Variants in MTA3 observed in about 807,000 individuals in gnomAD.
The protein encoded by MTA3 is metastasis-associated protein MTA3.
MTA3 carries 34 observed loss-of-function variants against 83.5 expected under a neutral mutation model. The ratio of observed to expected loss-of-function variants is 0.41; its 90% CI spans 0.31 to 0.54. The LOEUF (loss-of-function observed/expected upper bound fraction) is 0.54. Among genes scored for constraint, MTA3 ranks in the 20% least tolerant of loss-of-function variants. The pLI is 0.33. For missense variants in MTA3, 761 were observed against 726.4 expected, an observed-to-expected ratio of 1.05 and a Z score of -0.55; for synonymous variants, 303 against 252.7, an observed-to-expected ratio of 1.20 and a Z score of -1.89.
At chr2:42,503,771 A>G (rs1381756917) in intron 2 of MTA3, among the ~76,000 whole-genome samples, 2 of 152,102 alleles carry the variant, frequency 1.3e-5, no homozygotes, top group East Asian at 1.9e-4. Context: ...GCTGCTCAGG[A>G]GGCAGATGCA....
At chr2:42,553,301 G>A (rs1302749424) in intron 2 of MTA3, among the ~76,000 whole-genome samples, 2 of 151,848 alleles carry the variant, frequency 1.3e-5, no homozygotes, top group East Asian at 1.9e-4. Context: ...GCGGGTGCCT[G>A]TAGTCCCAGC....
intron 8 of MTA3, among the ~76,000 whole-genome samples, chr2:42,664,337 A>T (rs79526332): frequency 0.015 from 2,273 of 152,228 alleles, 56 homozygotes; most frequent in African/African-American, 0.051. Flanking sequence ...TCCCAAAAAG[A>T]ACATATGAAA....
chr2:42,577,747 G>A (rs1573032259), intron 2 of MTA3, among the ~76,000 whole-genome samples: 1 of 152,228 alleles, frequency 6.6e-6, no homozygotes, highest in Middle Eastern at 3.4e-3. Flanking sequence ...CCAAAGTGTT[G>A]GGATTACAGG....
chr2:42,506,627 A>T (rs932657000), intron 2 of MTA3, among the ~76,000 whole-genome samples: 1 of 6,348 alleles, frequency 1.6e-4, no homozygotes, highest in African/African-American at 5.3e-3. Context: ...TATTATTATT[A>T]TTTATTTATT....
chr2:42,524,842 A>AAG (rs1675609288), intron 2 of MTA3, among the ~76,000 whole-genome samples: 1 of 145,166 alleles, frequency 6.9e-6, no homozygotes, highest in Non-Finnish European at 1.5e-5. Flanking sequence ...AAAAAAAAAG[A>AAG]AAAAAAGAGA....
intron 4 of MTA3, among the ~76,000 whole-genome samples, chr2:42,614,648 ACTC>A (rs1331249314): frequency 6.6e-6 from 1 of 151,948 alleles, no homozygotes; most frequent in African/African-American, 2.4e-5. Flanking sequence ...CTTATATATA[ACTC>A]GTGTAATATA....
intron 2 of MTA3, among the ~76,000 whole-genome samples, chr2:42,502,817 G>A (rs1232447183): frequency 2.2e-4 from 12 of 54,752 alleles, no homozygotes; most frequent in African/African-American, 5.1e-4. Flanking sequence ...AAAAAAATTA[G>A]CCGGGCATGG....
chr2:42,596,711 T>G (rs1681827988), intron 3 of MTA3, among the ~76,000 whole-genome samples: 1 of 152,206 alleles, frequency 6.6e-6, no homozygotes, highest in South Asian at 2.1e-4. Context: ...TCTTAAGCTT[T>G]TTAGAAAGCC....
chr2:42,526,759 T>C (rs1186964197), intron 2 of MTA3, among the ~76,000 whole-genome samples: 2 of 151,902 alleles, frequency 1.3e-5, no homozygotes, highest in African/African-American at 2.4e-5. Flanking sequence ...ATGACATAAA[T>C]TTCAAATAGA....
chr2:42,692,476 G>A (rs1692989261), intron 9 of MTA3, among the ~76,000 whole-genome samples: 1 of 150,318 alleles, frequency 6.7e-6, no homozygotes, highest in Non-Finnish European at 1.5e-5. Flanking sequence ...CCAGGCTGGA[G>A]TGCAATGGCG....
At position 42,654,095 on chromosome 2, in the gene MTA3, C is replaced by G. The variant is rs573901947; in HGVS notation, c.500-2105C>G. ...AAACAAAGAATGAAGTCCTTTCAAA[C>G]CTTAGATCTTTTTGGCCTAGTACTA... On this transcript the variant is annotated intron_variant, in intron 6 of 16. Transcript: ENST00000405094. Among the ~76,000 whole-genome samples, 6 of 152,284 alleles carry G rather than the reference C, an allele frequency of 3.9e-5. No individual in the cohort carries two copies. The South Asian group carries it at 1.0e-3, about 26-fold the overall frequency.
intron 16 of MTA3, among the ~76,000 whole-genome samples, chr2:42,734,995 T>C (rs1668508993): frequency 6.6e-6 from 1 of 152,132 alleles, no homozygotes; most frequent in Non-Finnish European, 1.5e-5. Context: ...TATGAGTAGT[T>C]TACAGACAAT....
intron 11 of MTA3, 65 bp downstream of exon 11, chr2:42,697,899 A>G (rs1573662415): frequency 1.7e-6 from 2 of 1,209,604 alleles, no homozygotes. Flanking sequence ...AGAATATGTC[A>G]TTTTGTTCAG....
At chr2:42,685,105 C>G (rs1241840982) in intron 9 of MTA3, among the ~76,000 whole-genome samples, 1 of 152,144 alleles carries the variant, frequency 6.6e-6, no homozygotes, top group Non-Finnish European at 1.5e-5. Context: ...GCACTTAACA[C>G]AGGACTAGAA....
intron 14 of MTA3, among the ~76,000 whole-genome samples, chr2:42,716,216 T>C (rs541445442): frequency 1.3e-5 from 2 of 152,352 alleles, no homozygotes; most frequent in Non-Finnish European, 2.9e-5. Flanking sequence ...CATTTATACT[T>C]GTCAGTGGTT....
At chr2:42,583,429 G>T (rs1019269538) in intron 3 of MTA3, among the ~76,000 whole-genome samples, 1 of 152,160 alleles carries the variant, frequency 6.6e-6, no homozygotes, top group Non-Finnish European at 1.5e-5. Flanking sequence ...AGGATTAATG[G>T]AGAAAGTGTT....
At chr2:42,682,636 T>A in intron 9 of MTA3, 47 bp downstream of exon 9, 1 of 1,512,788 alleles carries the variant, frequency 6.6e-7, no homozygotes, top group Non-Finnish European at 9.0e-7. Context: ...ATGGGAATAT[T>A]CTGTTTTAGA....
At chr2:42,616,101 C>A (rs1230054782) in intron 4 of MTA3, among the ~76,000 whole-genome samples, 2 of 152,076 alleles carry the variant, frequency 1.3e-5, no homozygotes, top group African/African-American at 4.8e-5. Context: ...ACTCTCATCA[C>A]CCAGGCTAGA....
chr2:42,581,433 G>T (rs1156577228), intron 3 of MTA3, among the ~76,000 whole-genome samples: 1 of 148,872 alleles, frequency 6.7e-6, no homozygotes, highest in Non-Finnish European at 1.5e-5. Flanking sequence ...GCAGTGGCAG[G>T]ATCATAGCTC....
Sources: gnomAD v4.1 joint callset for allele counts (sites outside exome capture counted in the v4.1 genomes callset) on GRCh38, gnomAD v4.1.1 for gene constraint, MANE v1.5 for transcripts, NCBI Gene and HGNC (gene_info 2026-07-23, HGNC 2026-07-21) for gene names.